The following ZFHX4 variants were observed in gnomAD, a reference collection of about 807,000 sequenced individuals.
The protein encoded by ZFHX4 is zinc finger homeobox protein 4.
ZFHX4 carries 56 observed loss-of-function variants against 267.6 expected under a neutral mutation model. The observed-to-expected ratio is 0.21, with a 90% CI of 0.17 to 0.26. The LOEUF is 0.26. ZFHX4 is among the 10% of genes least tolerant of loss of function. The pLI is 1.00. For missense variants in ZFHX4, 4,332 were observed against 4,420.0 expected (o/e 0.98, Z 0.56); for synonymous variants, 1,778 against 1,665.6 (o/e 1.07, Z -1.64).
Position 76,685,630 on chromosome 8 carries a change from G to A in ZFHX4, c.-47+4010G>A, listed in dbSNP as rs140275059. Among the ~76,000 whole-genome samples, 672 of 152,272 alleles carry A rather than the reference G, an allele frequency of 4.4e-3. 6 individuals carry two copies. The highest frequency in any genetic ancestry group is 0.015 in the African/African-American group (635 of 41,566). ...CTATTGATTTATTTCAAAATCAATT[G>A]AAGCTTCTTTCTTATTAGTGATTTG... On this transcript the variant is annotated intron_variant, in intron 1 of 10. Coordinates refer to ENST00000651372, the MANE Select transcript of ZFHX4 (RefSeq NM_024721.5).
intron 1 of ZFHX4, 46 bp from the exon 2 acceptor site, chr8:76,703,997 T>C: frequency 8.0e-7 from 1 of 1,245,926 alleles, no homozygotes; most frequent in African/African-American, 1.5e-5. Context: ...GTGAGCTGTG[T>C]CATTATTTAA....
intron 1 of ZFHX4, among the ~76,000 whole-genome samples, chr8:76,691,768 T>C (rs1807830732): frequency 1.3e-5 from 2 of 152,098 alleles, no homozygotes; most frequent in South Asian, 4.1e-4. Context: ...AGATAAAGTG[T>C]TGTGAACATT....
chr8:76,836,824 G>C (rs1054970453), intron 5 of ZFHX4, among the ~76,000 whole-genome samples: 2 of 152,072 alleles, frequency 1.3e-5, no homozygotes. Flanking sequence ...AGGAATATAG[G>C]TAAGAGATTA....
At chr8:76,862,407 T>G (rs1163564486) in intron 10 of ZFHX4, among the ~76,000 whole-genome samples, 2 of 152,192 alleles carry the variant, frequency 1.3e-5, no homozygotes, top group African/African-American at 4.8e-5. Context: ...AGGCAAGTTG[T>G]CAGGATGGTA....
Position 76,705,867 on chromosome 8 carries a change from T to C in ZFHX4, c.1779T>C (p.Phe593=). ...CAGCCACTCCTCACCAGCATGGCTT[T>C]ACCCCGAGTACTCCTGGCACACCAG... The part of the protein sequence containing the change: ...DSSATPHQHG[F]TPSTPGTPGP... Residue 593 remains phenylalanine (F), a synonymous_variant, in exon 2 of 11, where the codon TTT becomes TTC. Transcript: ENST00000651372. 6.2e-7 allele frequency: 1 copy of C among 1,613,708 alleles called. No individual in the cohort carries two copies. The highest frequency in any genetic ancestry group is 8.5e-7 in the Non-Finnish European group (1 of 1,179,858).
chr8:76,708,642 G>A (rs1158079888), intron 3 of ZFHX4, among the ~76,000 whole-genome samples: 1 of 151,940 alleles, frequency 6.6e-6, no homozygotes, highest in Non-Finnish European at 1.5e-5. Flanking sequence ...AAATGGGTGT[G>A]GTATAGATAA....
At chr8:76,774,355 A>C (rs1363103596) in intron 3 of ZFHX4, among the ~76,000 whole-genome samples, 1 of 152,188 alleles carries the variant, frequency 6.6e-6, no homozygotes, top group Non-Finnish European at 1.5e-5. Context: ...CATCCATTTC[A>C]TTCAGATTTA....
intron 1 of ZFHX4, among the ~76,000 whole-genome samples, chr8:76,695,696 C>T (rs1807937975): frequency 6.6e-6 from 1 of 152,054 alleles, no homozygotes; most frequent in Admixed American, 6.6e-5. Flanking sequence ...GATAATGTAC[C>T]CATACAATCT....
intron 4 of ZFHX4, among the ~76,000 whole-genome samples, chr8:76,795,941 A>G (rs1810970418): frequency 1.3e-5 from 2 of 152,170 alleles, no homozygotes; most frequent in Non-Finnish European, 2.9e-5. Flanking sequence ...TATTAAACCA[A>G]GTTTCATTAC....
At chr8:76,732,740 G>A (rs1809054117) in intron 3 of ZFHX4, among the ~76,000 whole-genome samples, 1 of 152,116 alleles carries the variant, frequency 6.6e-6, no homozygotes, top group Admixed American at 6.5e-5. Context: ...TTTAAAAACT[G>A]GTTTTCCCTC....
At chr8:76,740,413 G>A (rs1374592584) in intron 3 of ZFHX4, among the ~76,000 whole-genome samples, 2 of 151,738 alleles carry the variant, frequency 1.3e-5, no homozygotes, top group African/African-American at 2.4e-5. Flanking sequence ...TTGGGAGATG[G>A]GTGCACCAGA....
intron 3 of ZFHX4, among the ~76,000 whole-genome samples, chr8:76,753,376 C>T (rs1809673746): frequency 6.6e-6 from 1 of 152,022 alleles, no homozygotes; most frequent in East Asian, 1.9e-4. Flanking sequence ...TCCCCTGTCT[C>T]CATTAGCAAT....
chr8:76,835,231 A>ATATACATG (rs1554572165), intron 5 of ZFHX4, among the ~76,000 whole-genome samples: 3 of 124,790 alleles, frequency 2.4e-5, no homozygotes, highest in Admixed American at 8.4e-5. Context: ...ATATATATAT[A>ATATACATG]TATATATATG....
intron 3 of ZFHX4, among the ~76,000 whole-genome samples, chr8:76,725,611 C>T (rs914985248): frequency 2.0e-5 from 3 of 152,038 alleles, no homozygotes; most frequent in Admixed American, 6.6e-5. Context: ...TAGGTTTGAT[C>T]GCTTATTGAT....
intron 3 of ZFHX4, among the ~76,000 whole-genome samples, chr8:76,744,883 C>T (rs1809418025): frequency 6.6e-6 from 1 of 152,114 alleles, no homozygotes; most frequent in African/African-American, 2.4e-5. Flanking sequence ...CTTTCCTAAA[C>T]ACTTACAGAT....
chr8:76,801,778 A>G (rs564489069), intron 4 of ZFHX4, among the ~76,000 whole-genome samples: 1 of 152,150 alleles, frequency 6.6e-6, no homozygotes, highest in Non-Finnish European at 1.5e-5. Flanking sequence ...CATTTTTAGT[A>G]ATTTGCTGAG....
In ZFHX4 at chr8:76,708,002, T is replaced by C; in HGVS notation, c.3047T>C (p.Leu1016Ser). Residue 1016 changes from leucine (L) to serine (S), a missense_variant, in exon 3 of 11, where the codon TTG (leucine) becomes TCG (serine). Leu to Ser is a moderately radical substitution (Grantham distance 145). Coordinates refer to ENST00000651372, the MANE Select transcript of ZFHX4 (RefSeq NM_024721.5). ...ACCAACAGTGTGGATAAATTACGCTTGCATACCACCAATCACAGGCACGAG... is the reference window on the plus strand; with the variant it reads ...ACCAACAGTGTGGATAAATTACGCTCGCATACCACCAATCACAGGCACGAG... Reference protein sequence around the residue: ...YYTNSVDKLRLHTTNHRHEAA... With the variant: ...YYTNSVDKLRSHTTNHRHEAA... The C allele has an allele frequency of 6.2e-7, 1 of 1,613,950 alleles. No individual in the cohort carries two copies. The highest frequency in any genetic ancestry group is 8.5e-7 in the Non-Finnish European group (1 of 1,179,902).
chr8:76,706,608 C>A lies in ZFHX4; in HGVS notation c.2520C>A (p.Ala840=). 6.2e-7 allele frequency: 1 copy of A among 1,608,114 alleles called. No individual in the cohort carries two copies. Among genetic ancestry groups the A allele is most frequent in the Non-Finnish European group, 8.5e-7 (1 of 1,177,440 alleles). ...CCGGAATGAAGCTGGAAAACCCTGCCGACCCTCAGCTGATGATCAATCCAT... is the reference window on the plus strand; with the variant it reads ...CCGGAATGAAGCTGGAAAACCCTGCAGACCCTCAGCTGATGATCAATCCAT... ...GLTGMKLENP[A]DPQLMINPFQ... The change falls in exon 2 of 11, where the codon GCC becomes GCA. Residue 840 remains alanine (A), a synonymous_variant. Coordinates refer to ENST00000651372, the MANE Select transcript of ZFHX4 (RefSeq NM_024721.5).
At chr8:76,863,025 G>A in intron 10 of ZFHX4, 69 bp from the exon 11 acceptor site, 1 of 1,446,418 alleles carries the variant, frequency 6.9e-7, no homozygotes, top group South Asian at 1.5e-5. Flanking sequence ...CTATTTAGGT[G>A]TTAAGCATAC....
Sources: gnomAD v4.1 joint callset for allele counts (sites outside exome capture counted in the v4.1 genomes callset) on GRCh38, gnomAD v4.1.1 for gene constraint, MANE v1.5 for transcripts, NCBI Gene and HGNC (gene_info 2026-07-23, HGNC 2026-07-21) for gene names.